MCM7: variants seen among roughly 807,000 people sequenced by gnomAD.
MCM7 encodes DNA replication licensing factor MCM7.
In MCM7, 95 loss-of-function variants were observed where a neutral mutation model predicts 83.5. The observed-to-expected ratio is 1.14, with a 90% CI of 0.96 to 1.35. The LOEUF (loss-of-function observed/expected upper bound fraction) is 1.35. Ranked by LOEUF, MCM7 falls within the 40% of genes most tolerant of loss-of-function variation. The probability of loss-of-function intolerance (pLI) is 0.00; values close to 1 mark genes in which losing one functional copy is unlikely to be tolerated. For missense variants in MCM7, 1,087 were observed against 957.4 expected, an observed-to-expected ratio of 1.14 and a Z score of -1.79; for synonymous variants, 461 against 352.7, an observed-to-expected ratio of 1.31 and a Z score of -3.44.
At chr7:100,093,770 G>T in intron 13 of MCM7, 1 of 606,424 alleles carries the variant, frequency 1.6e-6, no homozygotes, top group Non-Finnish European at 3.3e-6. Flanking sequence ...AACGTGTCCC[G>T]GGGGCTCGGG....
chr7:100,100,080 C>G lies in MCM7; in HGVS notation c.45G>C (p.Lys15Asn). 3.1e-6 allele frequency: 5 copies of G among 1,614,072 alleles called. No homozygotes were observed. Among genetic ancestry groups the G allele is most frequent in the Non-Finnish European group, 4.2e-6 (5 of 1,179,992 alleles). ...DYALEKEKVK[K>N]FLQEFYQDDE... ...CATCCTGGTAGAACTCTTGTAAGAA[C>G]TTCTTAACCTTTTCTGTAACATGAA... Residue 15 changes from lysine (K) to asparagine (N), a missense_variant, in exon 2 of 15, where the codon AAG becomes AAC. Transcript: ENST00000303887.
intron 2 of MCM7, 82 bp from the exon 3 acceptor site, chr7:100,099,835 A>G: frequency 6.4e-7 from 1 of 1,563,856 alleles, no homozygotes; most frequent in Non-Finnish European, 8.7e-7. Flanking sequence ...TGCATCACTG[A>G]GAACTCAGCA....
rs1404519065 is a variant in MCM7, at chr7:100,099,619, T to C, written c.246A>G (p.Gln82=). The C allele has an allele frequency of 3.7e-6, 6 of 1,614,122 alleles. No individual in the cohort carries two copies. In the Admixed American group the frequency reaches 5.0e-5, roughly 13 times the overall value. The stretch of plus-strand genomic sequence containing the variant: ...TCTCCTTGTACTGAGGCAGCAGCTC[T>C]TGTACGGCATCAGCAAAGAGCTTCG... The part of the protein sequence containing the change: ...RYAKLFADAV[Q]ELLPQYKERE... Residue 82 remains glutamine, a synonymous_variant, in exon 3 of 15, where the codon CAA becomes CAG. Transcript: ENST00000303887.
rs774807430 is a variant in MCM7, at chr7:100,099,578, T to C, written c.276+11A>G. 1 of 1,613,372 alleles carries C rather than the reference T, an allele frequency of 6.2e-7. No individual in the cohort carries two copies. Among genetic ancestry groups the C allele is most frequent in the Non-Finnish European group, 8.5e-7 (1 of 1,179,780 alleles). ...TCGCCCTTTGTTTGCCATTGTTCTC[T>C]AACCACTCACTTCCCTCTCCTTGTA... On this transcript the variant is annotated intron_variant, in intron 3 of 14. Coordinates refer to ENST00000303887, the MANE Select transcript of MCM7 (RefSeq NM_005916.5).
At chr7:100,095,253 A>G in intron 12 of MCM7, 134 bp downstream of exon 12, 1 of 794,158 alleles carries the variant, frequency 1.3e-6, no homozygotes, top group African/African-American at 1.7e-5. Flanking sequence ...TTAAAAGCTG[A>G]TCTGAGGCTC....
At chr7:100,099,500 C>T in intron 3 of MCM7, 89 bp downstream of exon 3, 2 of 1,586,130 alleles carry the variant, frequency 1.3e-6, no homozygotes, top group East Asian at 2.2e-5. Flanking sequence ...TCCTTTCTGC[C>T]TGCTCAGAAA....
chr7:100,093,871 C>A, intron 13 of MCM7: 1 of 654,792 alleles, frequency 1.5e-6, no homozygotes, highest in Non-Finnish European at 2.9e-6. Context: ...GACGGGAGGA[C>A]AGAAAGGAAG....
rs1169257178 is a variant in MCM7 at position 100,099,747 on chromosome 7, G to A, written c.118C>T (p.Leu40=). The stretch of plus-strand genomic sequence containing the variant: ...AGAGCCACCTGTTCCCGATGAGCCA[G>A]CCGAACCTCAAGTGGGGAAGAGACA... ...QFKYGNQLVR[L]AHREQVALYV... is the part of the protein sequence containing the mutation. The change falls in exon 3 of 15, where the codon CTG becomes TTG. Residue 40 remains leucine (L), a synonymous_variant. Transcript: ENST00000303887. 7.4e-6 allele frequency: 12 copies of A among 1,613,726 alleles called. No homozygotes were observed. The highest frequency in any genetic ancestry group is 3.3e-5 in the Admixed American group (2 of 59,966).
At chr7:100,100,760 CT>C (rs897694149) in intron 1 of MCM7, 357 of 992,216 alleles carry the variant, frequency 3.6e-4, no homozygotes, top group Non-Finnish European at 4.1e-4. Context: ...ACGACACTCC[CT>C]CCAGCCTCCT....
intron 1 of MCM7, 178 bp from the exon 2 acceptor site, chr7:100,100,271 G>A (rs1009008863): frequency 2.2e-6 from 3 of 1,379,708 alleles, no homozygotes; most frequent in South Asian, 1.5e-5. Flanking sequence ...AACCAGCGAA[G>A]AATAAAGAGC....
Position 100,099,686 on chromosome 7 carries a change from G to C in MCM7, c.179C>G (p.Pro60Arg). ...CTCACAAATTGAGTCCACCAACTCG[G>C]GGTCATCCTCGGCTACGTCGTCCAG... Reference protein sequence around the residue: ...VDLDDVAEDDPELVDSICENA... With the variant: ...VDLDDVAEDDRELVDSICENA... The change falls in exon 3 of 15, where the codon CCC becomes CGC. Residue 60 changes from proline (P) to arginine (R), a missense_variant. Transcript: ENST00000303887. The C allele has an allele frequency of 6.2e-7, 1 of 1,614,222 alleles. No homozygotes were observed. The highest frequency in any genetic ancestry group is 8.5e-7 in the Non-Finnish European group (1 of 1,180,048).
Position 100,098,136 on chromosome 7 carries a change from C to CT in MCM7, c.870+4dup. On this transcript the variant is annotated splice_donor_region_variant and intron_variant, in intron 7 of 14. Transcript: ENST00000303887. ...ATCCATTCCTCATGTCAAACTCTTC[C>CT]TTACCTGTACCACCTGTCGGAACCC... The CT allele has an allele frequency of 1.2e-6, 2 of 1,613,896 alleles. No homozygotes were observed. The highest frequency in any genetic ancestry group is 2.2e-5 in the South Asian group (2 of 91,062).
rs1363325016 is a variant in MCM7 at position 100,101,266 on chromosome 7, T to C, written c.29A>G (p.Lys10Arg). 6.2e-7 allele frequency: 1 copy of C among 1,613,194 alleles called. No homozygotes were observed. The highest frequency in any genetic ancestry group is 8.5e-7 in the Non-Finnish European group (1 of 1,179,874). The change falls in exon 1 of 15, where the codon AAG (lysine) becomes AGG (arginine). Residue 10 changes from lysine to arginine, a missense_variant and splice_region_variant. Coordinates refer to ENST00000303887, the MANE Select transcript of MCM7 (RefSeq NM_005916.5). MALKDYALEKEKVKKFLQEF... is the reference protein window; with the variant it reads MALKDYALEREKVKKFLQEF... ...CTCCCGGGCTCGTAGACCCGTACCC[T>C]TCTCTAGCGCGTAGTCCTTCAGTGC...
chr7:100,100,137 A>G, intron 1 of MCM7, 44 bp from the exon 2 acceptor site: 1 of 1,605,510 alleles, frequency 6.2e-7, no homozygotes, highest in Non-Finnish European at 8.5e-7. Flanking sequence ...ACTTTAAGAC[A>G]AATCTTAGAT....
rs756475465 is a variant in MCM7, at chr7:100,101,246, G to A, written c.31+18C>T. Reference sequence around the variant, plus strand: ...GGCTCCCCGCGCAGGACGCCCTCCCGGGCTCGTAGACCCGTACCCTTCTCT... The same window carrying A: ...GGCTCCCCGCGCAGGACGCCCTCCCAGGCTCGTAGACCCGTACCCTTCTCT... On this transcript the variant is annotated intron_variant, in intron 1 of 14. Coordinates refer to ENST00000303887, the MANE Select transcript of MCM7 (RefSeq NM_005916.5). The A allele has an allele frequency of 3.0e-5, 49 of 1,612,890 alleles. No individual in the cohort carries two copies. Among genetic ancestry groups the A allele is most frequent in the Non-Finnish European group, 2.1e-5 (25 of 1,179,844 alleles).
At position 100,097,733 on chromosome 7, in the gene MCM7, T is replaced by C. The variant is rs561232198; in HGVS notation, c.998A>G (p.Tyr333Cys). Residue 333 changes from tyrosine (Y) to cysteine (C), a missense_variant, in exon 9 of 15, where the codon TAC becomes TGC. By Grantham distance (194) the Tyr-to-Cys change is radical (BLOSUM62 -2). Coordinates refer to ENST00000303887, the MANE Select transcript of MCM7 (RefSeq NM_005916.5). ...GGCGATTGAAGCTGCCAGCTTTTCG[T>C]AGAAATCCTCCTCTGTAGAGAAGTT... is the stretch of plus-strand genomic sequence containing the variant. ...ELRQIAEEDFYEKLAASIAPE... is the reference protein window; with the variant it reads ...ELRQIAEEDFCEKLAASIAPE... 6.2e-7 allele frequency: 1 copy of C among 1,614,198 alleles called. No homozygotes were observed. The highest frequency in any genetic ancestry group is 1.3e-5 in the African/African-American group (1 of 75,040).
chr7:100,100,304 C>T, intron 1 of MCM7: 2 of 1,303,202 alleles, frequency 1.5e-6, no homozygotes, highest in South Asian at 1.7e-5. Flanking sequence ...ACAGGGCCAT[C>T]CAACATCTCC....
At chr7:100,098,929 C>G in intron 5 of MCM7, 94 bp downstream of exon 5, 1 of 1,536,756 alleles carries the variant, frequency 6.5e-7, no homozygotes, top group Non-Finnish European at 8.9e-7. Flanking sequence ...GCAACTTTTA[C>G]AACCAAATAA....
Position 100,092,744 on chromosome 7 carries a change from C to T in MCM7, c.*188G>A, listed in dbSNP as rs1795380244. ...ACAGGAATCTAAAAAACGCACAAAA[C>T]CCTGTTTTAATGGAAGTCAGGCCCA... On this transcript the variant is annotated 3_prime_UTR_variant, in exon 15 of 15. Coordinates refer to ENST00000303887, the MANE Select transcript of MCM7 (RefSeq NM_005916.5). The T allele has an allele frequency of 6.6e-5, 42 of 636,322 alleles. No homozygotes were observed. In the South Asian group the frequency reaches 7.9e-4, roughly 12 times the overall value. 39.4% of individuals were successfully genotyped at this position (636,322 alleles called of 1,614,324 possible).
Sources: allele counts gnomAD v4.1 joint callset, GRCh38; gene constraint gnomAD v4.1.1; transcripts MANE v1.5; gene names NCBI Gene and HGNC (gene_info 2026-07-23, HGNC 2026-07-21).